CD1B: variants seen among roughly 807,000 people sequenced by gnomAD.
The protein encoded by CD1B is CD1b molecule.
A neutral mutation model predicts 39.8 loss-of-function variants in CD1B; 43 were observed. That is an observed-to-expected ratio of 1.08 (90% CI 0.85 to 1.39). The LOEUF is 1.39. Ranked by LOEUF, CD1B falls within the 40% of genes most tolerant of loss-of-function variation. The pLI, the probability that CD1B is intolerant of heterozygous loss-of-function variation, is 0.00. For synonymous variants in CD1B, 192 were observed against 152.5 expected (o/e 1.26, Z -1.91); for missense variants, 495 against 403.8 (o/e 1.23, Z -1.94).
the CD1B span, among the ~76,000 whole-genome samples, chr1:158,309,524 A>G: frequency 2.2e-4 from 34 of 152,332 alleles, no homozygotes; most frequent in East Asian, 6.4e-3. Flanking sequence ...ATAAAGACAC[A>G]TGCACACATA....
At chr1:158,299,033 C>A in the CD1B span, among the ~76,000 whole-genome samples, 2 of 152,146 alleles carry the variant, frequency 1.3e-5, no homozygotes, top group Non-Finnish European at 2.9e-5. Context: ...ATTGCCCTGG[C>A]CAGACTTCCA....
chr1:158,314,992 T>C, the CD1B span, among the ~76,000 whole-genome samples: 19 of 147,960 alleles, frequency 1.3e-4, no homozygotes, highest in Admixed American at 8.1e-4. Flanking sequence ...GAACTCATCA[T>C]TTTTTATGGC....
the CD1B span, among the ~76,000 whole-genome samples, chr1:158,313,851 T>C: frequency 6.6e-6 from 1 of 152,202 alleles, no homozygotes; most frequent in South Asian, 2.1e-4. Context: ...TTACTCATTA[T>C]TGGCCTGTTT....
At chr1:158,314,579 G>C in the CD1B span, among the ~76,000 whole-genome samples, 1 of 152,132 alleles carries the variant, frequency 6.6e-6, no homozygotes, top group Non-Finnish European at 1.5e-5. Context: ...TTAAATGTAA[G>C]CCTTTATTGC....
the CD1B span, among the ~76,000 whole-genome samples, chr1:158,287,471 G>T: frequency 6.6e-6 from 1 of 152,106 alleles, no homozygotes; most frequent in South Asian, 2.1e-4. Context: ...TAATCACACT[G>T]AGAGTTAGGG....
At chr1:158,319,274 C>G in the CD1B span, among the ~76,000 whole-genome samples, 1 of 151,884 alleles carries the variant, frequency 6.6e-6, no homozygotes, top group African/African-American at 2.4e-5. Context: ...AACTTGGTTC[C>G]ATTCTCCCCG....
At chr1:158,291,088 C>G in the CD1B span, 1 of 823,632 alleles carries the variant, frequency 1.2e-6, no homozygotes, top group Admixed American at 3.0e-5. Context: ...CCTTGCCTCT[C>G]TTTTTTTTTT....
the CD1B span, among the ~76,000 whole-genome samples, chr1:158,322,902 C>A: frequency 2.0e-5 from 3 of 152,124 alleles, no homozygotes; most frequent in Non-Finnish European, 2.9e-5. Context: ...TTATTTGCTT[C>A]TTTTCTATTA....
At chr1:158,318,174 T>C in the CD1B span, among the ~76,000 whole-genome samples, 1 of 152,214 alleles carries the variant, frequency 6.6e-6, no homozygotes, top group Non-Finnish European at 1.5e-5. Flanking sequence ...AGATGTCTAT[T>C]AGGTCCGCTT....
At chr1:158,305,031 T>G in the CD1B span, among the ~76,000 whole-genome samples, 1 of 151,940 alleles carries the variant, frequency 6.6e-6, no homozygotes, top group Non-Finnish European at 1.5e-5. Flanking sequence ...TCAGAGTGCC[T>G]CTCCTCCTCC....
At chr1:158,320,195 G>A in the CD1B span, among the ~76,000 whole-genome samples, 6 of 152,352 alleles carry the variant, frequency 3.9e-5, no homozygotes, top group East Asian at 1.9e-4. Flanking sequence ...CCCAGTTCGA[G>A]CTTCCTGGCT....
the CD1B span, among the ~76,000 whole-genome samples, chr1:158,318,768 T>C: frequency 6.6e-6 from 1 of 152,214 alleles, no homozygotes; most frequent in African/African-American, 2.4e-5. Context: ...TTGATGGTCT[T>C]TACATTTTGG....
chr1:158,330,516 G>C (rs962879), intron 2 of CD1B: 87,624 of 620,400 alleles, frequency 0.14, 7,820 homozygotes, highest in East Asian at 0.35. Flanking sequence ...GGTAGGAGAA[G>C]TAAGGGCCCT....
the CD1B span, among the ~76,000 whole-genome samples, chr1:158,322,631 A>AT: frequency 6.6e-6 from 1 of 151,298 alleles, no homozygotes; most frequent in African/African-American, 2.4e-5. Context: ...ACACATTAGC[A>AT]TTTTTTTTCT....
Position 158,331,435 on chromosome 1 carries a change from A to G in CD1B, c.-12T>C. 1.9e-6 allele frequency: 3 copies of G among 1,612,160 alleles called. No homozygotes were observed. Among genetic ancestry groups the G allele is most frequent in the East Asian group, 2.2e-5 (1 of 44,866 alleles). ...GGCAGCAGCAGCATTTCACTGGGAG[A>G]TGCAACTTCTTACTGGCAGAGCTGG... On this transcript the variant is annotated 5_prime_UTR_variant, in exon 1 of 6. Transcript: ENST00000368168.
chr1:158,289,842 T>G, the CD1B span: 5 of 483,802 alleles, frequency 1.0e-5, no homozygotes, highest in Non-Finnish European at 1.9e-5. Context: ...GCAGCTGGAA[T>G]CCTGAGAGAA....
the CD1B span, among the ~76,000 whole-genome samples, chr1:158,299,831 T>A: frequency 3.3e-5 from 5 of 152,236 alleles, no homozygotes; most frequent in Non-Finnish European, 7.3e-5. Flanking sequence ...TCAGTGGTGA[T>A]ATCCCCTTTA....
At chr1:158,324,830 T>C (rs1453582067), downstream of CD1B, among the ~76,000 whole-genome samples, 1 of 152,084 alleles carries the variant, frequency 6.6e-6, no homozygotes, top group Non-Finnish European at 1.5e-5. Flanking sequence ...CAGGAAGTAA[T>C]ACAGTCTTGA....
At chr1:158,306,270 G>A in the CD1B span, among the ~76,000 whole-genome samples, 1 of 152,208 alleles carries the variant, frequency 6.6e-6, no homozygotes, top group Admixed American at 6.5e-5. Flanking sequence ...AAAAGGCAGT[G>A]GTTGCAAACC....
Sources: allele counts gnomAD v4.1 joint callset (sites outside exome capture counted in the v4.1 genomes callset), GRCh38; gene constraint gnomAD v4.1.1; transcripts MANE v1.5; gene names NCBI Gene and HGNC (gene_info 2026-07-23, HGNC 2026-07-21).